The following SAMMSON variants were observed in gnomAD, a reference collection of about 807,000 sequenced individuals.
SAMMSON encodes long intergenic non-protein coding RNA 1212.
Position 70,413,334 on chromosome 3 carries a change from C to T in SAMMSON, n.234-49226C>T, listed in dbSNP as rs574303527. ...TAGGCTATGTTTCAGTCTAGACAAA[C>T]ATTTCTGTGTTTAGTTCCACATAAA... On this transcript the variant is annotated intron_variant and non_coding_transcript_variant, in intron 2 of 3. Coordinates refer to the SAMMSON transcript ENST00000641053. Among the ~76,000 whole-genome samples the T allele has an allele frequency of 3.9e-5, 6 of 152,214 alleles. No individual in the cohort carries two copies. The East Asian group carries it at 1.2e-3, about 29-fold the overall frequency.
intron 4 of SAMMSON, among the ~76,000 whole-genome samples, chr3:70,134,170 G>T (rs1206069977): frequency 6.6e-6 from 1 of 151,108 alleles, no homozygotes; most frequent in African/African-American, 2.4e-5. Flanking sequence ...TGAGGCAAGA[G>T]AATTGTTTGA....
At chr3:70,076,737 C>T (rs1307903817) in intron 4 of SAMMSON, among the ~76,000 whole-genome samples, 1 of 152,094 alleles carries the variant, frequency 6.6e-6, no homozygotes, top group African/African-American at 2.4e-5. Context: ...TCCTTAGAAG[C>T]TCTAATTTAT....
At chr3:70,385,537 G>A (rs145586341) in intron 9 of SAMMSON, among the ~76,000 whole-genome samples, 3,431 of 152,092 alleles carry the variant, frequency 0.023, 63 homozygotes, top group Non-Finnish European at 0.034. Context: ...GCTGTGTGGG[G>A]GTGACAATGG....
Position 70,364,122 on chromosome 3 carries a change from C to A in SAMMSON, n.913+5798C>A, listed in dbSNP as rs985562862. Among the ~76,000 whole-genome samples the A allele has an allele frequency of 2.7e-4, 41 of 151,820 alleles. 2 individuals carry two copies. The highest frequency in any genetic ancestry group is 1.5e-5 in the Non-Finnish European group (1 of 67,822). On this transcript the variant is annotated intron_variant and non_coding_transcript_variant, in intron 9 of 9. Transcript: ENST00000642114. Reference sequence around the variant, plus strand: ...TATATAGTTTATATTTTGTTCTTTGCACATAATTCCTGCATTTATTTCAGT... The same window carrying A: ...TATATAGTTTATATTTTGTTCTTTGAACATAATTCCTGCATTTATTTCAGT...
chr3:70,133,844 C>G (rs1278890753), intron 4 of SAMMSON, among the ~76,000 whole-genome samples: 3 of 152,034 alleles, frequency 2.0e-5, no homozygotes, highest in Non-Finnish European at 2.9e-5. Context: ...AATTAATTTT[C>G]TGAGGTATAG....
chr3:70,033,952 A>G (rs1444816159), intron 3 of SAMMSON, among the ~76,000 whole-genome samples: 2 of 152,164 alleles, frequency 1.3e-5, no homozygotes, highest in African/African-American at 4.8e-5. Flanking sequence ...TCAGTTTGGG[A>G]TATGTCCTCT....
intron 6 of SAMMSON, among the ~76,000 whole-genome samples, chr3:70,261,428 C>G (rs1258124096): frequency 6.6e-6 from 1 of 152,196 alleles, no homozygotes; most frequent in Non-Finnish European, 1.5e-5. Context: ...CAGCTGCAGC[C>G]ATCTAGCACT....
chr3:70,396,129 G>C (rs1701091203), intron 2 of SAMMSON, among the ~76,000 whole-genome samples: 1 of 152,038 alleles, frequency 6.6e-6, no homozygotes, highest in South Asian at 2.1e-4. Flanking sequence ...ACAGTGACTG[G>C]CACATAATAA....
chr3:70,241,045 C>A (rs1353362189), intron 4 of SAMMSON, among the ~76,000 whole-genome samples: 1 of 152,116 alleles, frequency 6.6e-6, no homozygotes, highest in African/African-American at 2.4e-5. Context: ...AACCAATTTA[C>A]TGTCACAGTG....
In SAMMSON at chr3:70,152,218, TG is replaced by T. The variant is rs1349969038; in HGVS notation, n.507+80654del. 3.3e-5 allele frequency among the ~76,000 whole-genome samples: 5 copies of T among 151,928 alleles called. No homozygotes were observed. In the East Asian group the frequency reaches 7.7e-4, roughly 24 times the overall value. ...ATTGAACACTTGATTTGCGATACCA[TG>T]AAAAAAAATCATCAAACAATTGGAT... On this transcript the variant is annotated intron_variant and non_coding_transcript_variant, in intron 4 of 9. Transcript: ENST00000642114.
chr3:70,063,112 T>G (rs2067196627), intron 3 of SAMMSON, among the ~76,000 whole-genome samples: 1 of 148,366 alleles, frequency 6.7e-6, no homozygotes, highest in Admixed American at 6.7e-5. Flanking sequence ...CGCATTGACT[T>G]TCCTTGAAAT....
At chr3:70,423,736 G>C (rs1270647608) in intron 2 of SAMMSON, among the ~76,000 whole-genome samples, 1 of 152,156 alleles carries the variant, frequency 6.6e-6, no homozygotes, top group Non-Finnish European at 1.5e-5. Context: ...GTATGTTTGG[G>C]GGTTAGGAAG....
chr3:70,011,428 A>T (rs2066955076), intron 1 of SAMMSON, among the ~76,000 whole-genome samples: 1 of 152,174 alleles, frequency 6.6e-6, no homozygotes, highest in African/African-American at 2.4e-5. Flanking sequence ...CCCTCTTCTC[A>T]GCCCTAATAT....
chr3:70,368,178 C>G (rs1279159077), intron 9 of SAMMSON, among the ~76,000 whole-genome samples: 2 of 151,424 alleles, frequency 1.3e-5, no homozygotes, highest in African/African-American at 4.8e-5. Context: ...TATCTGAAAA[C>G]TCATCCTCAA....
intron 4 of SAMMSON, among the ~76,000 whole-genome samples, chr3:70,129,535 A>G (rs1347578106): frequency 1.3e-5 from 2 of 152,180 alleles, no homozygotes; most frequent in Non-Finnish European, 2.9e-5. Flanking sequence ...AATAAGAGTA[A>G]TGAGGCCTAC....
rs1702831218 is a variant in SAMMSON at position 70,356,625 on chromosome 3, C to G, written n.843-1629C>G. On this transcript the variant is annotated intron_variant and non_coding_transcript_variant, in intron 8 of 9. Coordinates refer to ENST00000642114, the Ensembl canonical transcript of SAMMSON. ...TATTCTTACTTTTAAAATACTTGTC[C>G]TTTTGTTTTTTAAACAAAATATTTG... 2.0e-5 allele frequency among the ~76,000 whole-genome samples: 3 copies of G among 152,030 alleles called. No homozygotes were observed. In the South Asian group the frequency reaches 6.2e-4, roughly 32 times the overall value.
At chr3:70,163,691 C>A (rs2067625445) in intron 4 of SAMMSON, among the ~76,000 whole-genome samples, 1 of 151,902 alleles carries the variant, frequency 6.6e-6, no homozygotes, top group African/African-American at 2.4e-5. Flanking sequence ...GTGGCATGAA[C>A]ACTGTGTTGG....
chr3:70,029,795 C>T (rs559522810), intron 3 of SAMMSON, among the ~76,000 whole-genome samples: 8 of 149,980 alleles, frequency 5.3e-5, no homozygotes, highest in Admixed American at 3.3e-4. Context: ...GTGAAAATAG[C>T]TGCTTATTGA....
rs75046763 is a variant in SAMMSON at position 70,145,704 on chromosome 3, T to G, written n.507+74139T>G. On this transcript the variant is annotated intron_variant and non_coding_transcript_variant, in intron 4 of 9. Coordinates refer to ENST00000642114, the Ensembl canonical transcript of SAMMSON. ...TTGTGGGTTGTAGCTAAAACAGTAC[T>G]TAAATGAAAATTTATAGCATTAGCT... Among the ~76,000 whole-genome samples the G allele has an allele frequency of 4.6e-3, 698 of 152,074 alleles. 10 individuals are homozygous for G. Among genetic ancestry groups the G allele is most frequent in the African/African-American group, 0.016 (671 of 41,514 alleles).
Sources: gnomAD v4.1 joint callset for allele counts (sites outside exome capture counted in the v4.1 genomes callset) on GRCh38, gnomAD v4.1.1 for gene constraint, MANE v1.5 for transcripts, NCBI Gene and HGNC (gene_info 2026-07-23, HGNC 2026-07-21) for gene names.